The following SGCD variants were observed in gnomAD, a reference collection of about 807,000 sequenced individuals.
The protein encoded by SGCD is sarcoglycan delta, also known as delta-sarcoglycan.
Under a neutral mutation model 36.6 loss-of-function variants are expected in SGCD, and 18 were observed. The observed-to-expected ratio is 0.49, with a 90% CI of 0.34 to 0.73. The LOEUF is 0.73. SGCD is among the 30% of genes least tolerant of loss of function. SGCD has a pLI of 0.01. For missense variants in SGCD, 387 were observed against 346.7 expected, an observed-to-expected ratio of 1.12 and a Z score of -0.92; for synonymous variants, 133 against 130.6, an observed-to-expected ratio of 1.02 and a Z score of -0.12.
intron 3 of SGCD, among the ~76,000 whole-genome samples, chr5:156,161,871 G>C (rs1429639963): frequency 4.6e-5 from 7 of 151,616 alleles, no homozygotes; most frequent in African/African-American, 1.7e-4. Flanking sequence ...TCAGATGTAT[G>C]AAAATGTAAC....
chr5:156,586,766 A>T (rs1381062861), intron 4 of SGCD, among the ~76,000 whole-genome samples: 1 of 152,090 alleles, frequency 6.6e-6, no homozygotes, highest in Non-Finnish European at 1.5e-5. Flanking sequence ...TTTGTTTTTT[A>T]AACACTTCCT....
chr5:156,758,303 T>C (rs1220375939), intron 8 of SGCD, among the ~76,000 whole-genome samples: 1 of 152,162 alleles, frequency 6.6e-6, no homozygotes, highest in South Asian at 2.1e-4. Flanking sequence ...ACCCAAAATG[T>C]GATTTGTCTG....
chr5:155,987,251 C>T (rs1188043675), intron 1 of SGCD, among the ~76,000 whole-genome samples: 1 of 152,156 alleles, frequency 6.6e-6, no homozygotes, highest in South Asian at 2.1e-4. Context: ...AGCCCCTAAA[C>T]CCCTCAGTCA....
intron 7 of SGCD, among the ~76,000 whole-genome samples, chr5:156,717,859 C>T (rs530512613): frequency 6.6e-6 from 1 of 152,100 alleles, no homozygotes; most frequent in Non-Finnish European, 1.5e-5. Context: ...CACATTTTCC[C>T]TTCACTCCCT....
At chr5:156,027,857 C>T (rs1174557814) in intron 1 of SGCD, among the ~76,000 whole-genome samples, 1 of 152,098 alleles carries the variant, frequency 6.6e-6, no homozygotes, top group Admixed American at 6.6e-5. Context: ...CTGGCAAGTT[C>T]AGTTTCTGGT....
chr5:156,752,403 T>A (rs183769933), intron 7 of SGCD, among the ~76,000 whole-genome samples: 1 of 152,002 alleles, frequency 6.6e-6, no homozygotes, highest in Non-Finnish European at 1.5e-5. Flanking sequence ...TTTCTTTTTT[T>A]CCCCCCCAAG....
chr5:155,757,855 G>A, the SGCD span, among the ~76,000 whole-genome samples: 3 of 152,144 alleles, frequency 2.0e-5, no homozygotes, highest in African/African-American at 4.8e-5. Flanking sequence ...AATCATGGGG[G>A]CAGGTCTTTC....
intron 6 of SGCD, among the ~76,000 whole-genome samples, chr5:156,647,135 G>A (rs192891186): frequency 8.0e-4 from 122 of 152,242 alleles, no homozygotes; most frequent in Non-Finnish European, 1.4e-3. Flanking sequence ...TTCCGGTTGG[G>A]TGACTATTAA....
chr5:155,901,642 AAG>A (rs1252644772), intron 1 of SGCD, among the ~76,000 whole-genome samples: 3 of 152,184 alleles, frequency 2.0e-5, no homozygotes, highest in Non-Finnish European at 4.4e-5. Context: ...TAAGAAAAAA[AAG>A]TTACCTTTAG....
chr5:156,229,231 TATAC>T (rs1168561247), intron 3 of SGCD, among the ~76,000 whole-genome samples: 2 of 126,132 alleles, frequency 1.6e-5, no homozygotes, highest in African/African-American at 2.8e-5. Context: ...TTTATATACA[TATAC>T]ATACATATAT....
At position 156,384,094 on chromosome 5, in the gene SGCD, G is replaced by C. The variant is rs551591322; in HGVS notation, c.192+39417G>C. Among the ~76,000 whole-genome samples, 4 of 152,290 alleles carry C rather than the reference G, an allele frequency of 2.6e-5. No homozygotes were observed. The South Asian group carries it at 8.3e-4, about 32-fold the overall frequency. ...GAGTTATTTGCAGCAAGGATATGCT[G>C]TTGAATCCACACAAGTTAAATATGT... On this transcript the variant is annotated intron_variant, in intron 3 of 8. Coordinates refer to ENST00000337851, the MANE Select transcript of SGCD (RefSeq NM_000337.6).
intron 3 of SGCD, among the ~76,000 whole-genome samples, chr5:156,444,216 A>ATCTCTC (rs35914271): frequency 6.6e-5 from 6 of 90,620 alleles, no homozygotes; most frequent in Non-Finnish European, 1.4e-4. Flanking sequence ...CCTTCCTTTT[A>ATCTCTC]TCTCTCTCTC....
At chr5:156,618,229 G>A (rs1189240800) in intron 6 of SGCD, among the ~76,000 whole-genome samples, 3 of 152,156 alleles carry the variant, frequency 2.0e-5, no homozygotes, top group Non-Finnish European at 4.4e-5. Flanking sequence ...TAACATTTGA[G>A]TAATAAATCC....
At chr5:156,398,216 ATAT>A (rs1771967137) in intron 3 of SGCD, among the ~76,000 whole-genome samples, 1 of 152,212 alleles carries the variant, frequency 6.6e-6, no homozygotes, top group Non-Finnish European at 1.5e-5. Flanking sequence ...AATCAGAGTA[ATAT>A]TATCATCCAG....
At chr5:155,891,173 A>C (rs539018002) in intron 1 of SGCD, among the ~76,000 whole-genome samples, 39 of 152,220 alleles carry the variant, frequency 2.6e-4, no homozygotes, top group Non-Finnish European at 4.4e-4. Flanking sequence ...GAGGAACTTC[A>C]TGTACAGATC....
chr5:156,543,205 A>T (rs1376051857), intron 4 of SGCD, among the ~76,000 whole-genome samples: 2 of 152,168 alleles, frequency 1.3e-5, no homozygotes, highest in Non-Finnish European at 2.9e-5. Context: ...GCACTGTAGG[A>T]TCAGTGGTTT....
chr5:156,407,743 G>A (rs949007355), intron 3 of SGCD, among the ~76,000 whole-genome samples: 2 of 152,176 alleles, frequency 1.3e-5, no homozygotes, highest in Non-Finnish European at 2.9e-5. Flanking sequence ...AAGGAGGAAG[G>A]GGAGTAAGTC....
intron 3 of SGCD, among the ~76,000 whole-genome samples, chr5:156,138,452 G>A (rs1762508372): frequency 1.3e-5 from 2 of 152,082 alleles, no homozygotes; most frequent in African/African-American, 2.4e-5. Context: ...GGTCTTATGG[G>A]ATATATTCTA....
At chr5:155,792,508 C>A in the SGCD span, among the ~76,000 whole-genome samples, 1 of 148,094 alleles carries the variant, frequency 6.8e-6, no homozygotes, top group Non-Finnish European at 1.5e-5. Flanking sequence ...AGTATGCATC[C>A]GATAACAGTC....
Sources: gnomAD v4.1 joint callset for allele counts (sites outside exome capture counted in the v4.1 genomes callset) on GRCh38, gnomAD v4.1.1 for gene constraint, MANE v1.5 for transcripts, NCBI Gene and HGNC (gene_info 2026-07-23, HGNC 2026-07-21) for gene names.